Variants in ABCD2 observed in about 807,000 individuals in gnomAD.
ABCD2 encodes the protein ATP binding cassette subfamily D member 2, also known as ATP-binding cassette sub-family D member 2.
ABCD2 carries 36 observed loss-of-function variants against 70.9 expected under a neutral mutation model. The observed-to-expected ratio is 0.51, with a 90% CI of 0.39 to 0.67. ABCD2 has a LOEUF of 0.67. ABCD2 is among the 30% of genes least tolerant of loss of function. The pLI is 0.00. For synonymous variants in ABCD2, 304 were observed against 306.9 expected (o/e 0.99, Z 0.10); for missense variants, 729 against 890.2 (o/e 0.82, Z 2.30).
intron 5 of ABCD2, 145 bp from the exon 6 acceptor site, chr12:39,600,861 G>T: frequency 1.4e-6 from 1 of 707,750 alleles, no homozygotes; most frequent in Non-Finnish European, 2.3e-6. Context: ...TTTCAGGGTT[G>T]AGAACAAGTT....
At chr12:39,593,416 C>G (rs757938588) in intron 6 of ABCD2, among the ~76,000 whole-genome samples, 74 of 152,100 alleles carry the variant, frequency 4.9e-4, no homozygotes, top group Non-Finnish European at 9.3e-4. Context: ...CCATATCCAG[C>G]TACTTTTTTA....
chr12:39,604,160 T>A (rs1406085981), intron 4 of ABCD2, among the ~76,000 whole-genome samples, 154 bp from the exon 5 acceptor site: 2 of 152,074 alleles, frequency 1.3e-5, no homozygotes, highest in African/African-American at 4.8e-5. Context: ...TATCCAGACC[T>A]GAAGCAAAGT....
chr12:39,617,558 T>C (rs1353101147), intron 1 of ABCD2, among the ~76,000 whole-genome samples: 1 of 152,094 alleles, frequency 6.6e-6, no homozygotes, highest in African/African-American at 2.4e-5. Context: ...ACTCAATTTG[T>C]TGGATTTTGT....
At chr12:39,543,274 A>T in the ABCD2 span, among the ~76,000 whole-genome samples, 4 of 152,174 alleles carry the variant, frequency 2.6e-5, no homozygotes, top group Non-Finnish European at 5.9e-5. Context: ...TGAGAGAGAG[A>T]TGAGGGAAGC....
At chr12:39,585,876 G>A (rs1941657346) in intron 7 of ABCD2, among the ~76,000 whole-genome samples, 1 of 152,088 alleles carries the variant, frequency 6.6e-6, no homozygotes, top group South Asian at 2.1e-4. Flanking sequence ...TGGCCTCAGG[G>A]ACTTTGTACA....
chr12:39,611,325 G>A (rs917126354), intron 2 of ABCD2, among the ~76,000 whole-genome samples: 3 of 152,010 alleles, frequency 2.0e-5, no homozygotes, highest in African/African-American at 4.8e-5. Context: ...ACTATGGGGG[G>A]AGAGGGTATT....
intron 9 of ABCD2, among the ~76,000 whole-genome samples, chr12:39,558,959 T>C (rs1291997010): frequency 6.6e-6 from 1 of 152,078 alleles, no homozygotes; most frequent in Non-Finnish European, 1.5e-5. Flanking sequence ...AATAGCAGAA[T>C]TTATCAAACA....
intron 7 of ABCD2, among the ~76,000 whole-genome samples, chr12:39,585,836 C>A (rs1941656642): frequency 6.6e-6 from 1 of 152,070 alleles, no homozygotes; most frequent in South Asian, 2.1e-4. Context: ...ATATGTCTGT[C>A]ATAGACTTTA....
At chr12:39,604,160 T>C (rs1406085981) in intron 4 of ABCD2, among the ~76,000 whole-genome samples, 154 bp from the exon 5 acceptor site, 1 of 152,074 alleles carries the variant, frequency 6.6e-6, no homozygotes, top group African/African-American at 2.4e-5. Flanking sequence ...TATCCAGACC[T>C]GAAGCAAAGT....
chr12:39,559,422 T>C (rs1444984696), intron 9 of ABCD2, among the ~76,000 whole-genome samples: 1 of 148,354 alleles, frequency 6.7e-6, no homozygotes, highest in Non-Finnish European at 1.5e-5. Context: ...GAGTTGTTGG[T>C]ATTCAAGAAG....
At chr12:39,563,420 G>A (rs375592720) in intron 9 of ABCD2, among the ~76,000 whole-genome samples, 2 of 151,932 alleles carry the variant, frequency 1.3e-5, no homozygotes, top group Admixed American at 1.3e-4. Context: ...AAAATAACAT[G>A]TTTTCTGTAA....
At position 39,617,179 on chromosome 12, in the gene ABCD2, G is replaced by A; in HGVS notation, c.940-11C>T. 6.5e-7 allele frequency: 1 copy of A among 1,532,378 alleles called. No individual in the cohort carries two copies. Among genetic ancestry groups the A allele is most frequent in the African/African-American group, 1.4e-5 (1 of 70,978 alleles). 94.9% of individuals were successfully genotyped at this position (1,532,378 alleles called of 1,614,324 possible). The stretch of plus-strand genomic sequence containing the variant: ...TTGTTTCATTTCTACCTATAGAGAG[G>A]AAAAAGAGTTGAGGACTTTTTTTAA... On this transcript the variant is annotated splice_polypyrimidine_tract_variant and intron_variant, in intron 1 of 9. Transcript: ENST00000308666.
At chr12:39,614,498 C>A (rs543088911) in intron 2 of ABCD2, among the ~76,000 whole-genome samples, 2 of 151,898 alleles carry the variant, frequency 1.3e-5, no homozygotes, top group African/African-American at 2.4e-5. Flanking sequence ...TTTTTCCCCC[C>A]TCTACTTCAC....
At chr12:39,563,070 A>T (rs1012568656) in intron 9 of ABCD2, among the ~76,000 whole-genome samples, 1 of 152,210 alleles carries the variant, frequency 6.6e-6, no homozygotes, top group Admixed American at 6.6e-5. Flanking sequence ...AAATATGATT[A>T]TCTTAATTGA....
the ABCD2 span, among the ~76,000 whole-genome samples, chr12:39,531,150 T>C: frequency 2.0e-5 from 3 of 152,300 alleles, no homozygotes; most frequent in Non-Finnish European, 2.9e-5. Flanking sequence ...CTGTTGAGCT[T>C]ACATTCTAGT....
At chr12:39,603,840 G>T in intron 5 of ABCD2, 72 bp downstream of exon 5, 1 of 1,118,266 alleles carries the variant, frequency 8.9e-7, no homozygotes, top group Non-Finnish European at 1.3e-6. Context: ...TTTAACATAA[G>T]GTACATGAAT....
chr12:39,580,051 T>C (rs755257491), intron 7 of ABCD2, among the ~76,000 whole-genome samples: 4 of 152,340 alleles, frequency 2.6e-5, no homozygotes, highest in Non-Finnish European at 4.4e-5. Flanking sequence ...AGTTCTCTTA[T>C]CATATATTTC....
At chr12:39,544,499 T>C in the ABCD2 span, among the ~76,000 whole-genome samples, 3 of 152,212 alleles carry the variant, frequency 2.0e-5, no homozygotes, top group Non-Finnish European at 4.4e-5. Context: ...GTGTAAACTA[T>C]AAACTAAGTT....
chr12:39,602,036 A>C, intron 5 of ABCD2, among the ~76,000 whole-genome samples: 1 of 151,586 alleles, frequency 6.6e-6, no homozygotes, highest in East Asian at 1.9e-4. Flanking sequence ...TAATATTAAT[A>C]TTTTTCTCAG....
Sources: allele counts gnomAD v4.1 joint callset (sites outside exome capture counted in the v4.1 genomes callset), GRCh38; gene constraint gnomAD v4.1.1; transcripts MANE v1.5; gene names NCBI Gene and HGNC (gene_info 2026-07-23, HGNC 2026-07-21).